Variants in FOCAD observed in about 807,000 individuals in gnomAD.
FOCAD encodes the protein focadhesin.
In FOCAD, 198 loss-of-function variants were observed where a neutral mutation model predicts 225.6. That is an observed-to-expected ratio of 0.88 (90% CI 0.78 to 0.99). FOCAD has a LOEUF of 0.99. Ranked by LOEUF, FOCAD falls within the 50% of genes least tolerant of loss-of-function variation. FOCAD has a pLI of 0.00. For missense variants in FOCAD, 2,713 were observed against 2,123.6 expected, an observed-to-expected ratio of 1.28 and a Z score of -5.46; for synonymous variants, 897 against 755.0, an observed-to-expected ratio of 1.19 and a Z score of -3.08.
intron 11 of FOCAD, among the ~76,000 whole-genome samples, chr9:20,796,031 T>C (rs1821059575): frequency 6.6e-6 from 1 of 151,584 alleles, no homozygotes; most frequent in African/African-American, 2.4e-5. Flanking sequence ...GTTCTCATTG[T>C]TCAATTCCCA....
At chr9:20,853,653 T>G (rs965809891) in intron 15 of FOCAD, among the ~76,000 whole-genome samples, 3 of 151,746 alleles carry the variant, frequency 2.0e-5, no homozygotes, top group Admixed American at 6.6e-5. Flanking sequence ...GTTGTTCAAC[T>G]ATGTTAGAAA....
chr9:20,735,405 G>A (rs1429958104), intron 4 of FOCAD, among the ~76,000 whole-genome samples: 1 of 152,022 alleles, frequency 6.6e-6, no homozygotes, highest in African/African-American at 2.4e-5. Context: ...TGTATGTTCT[G>A]ATATTCATGC....
intron 35 of FOCAD, 99 bp from the exon 36 acceptor site, chr9:20,976,321 G>C (rs2132585569): frequency 1.7e-6 from 2 of 1,145,132 alleles, no homozygotes; most frequent in East Asian, 4.8e-5. Flanking sequence ...TGTGATATCA[G>C]ATCCTTTGAT....
intron 22 of FOCAD, among the ~76,000 whole-genome samples, chr9:20,910,902 A>G (rs1210723022): frequency 6.6e-6 from 1 of 152,124 alleles, no homozygotes; most frequent in African/African-American, 2.4e-5. Context: ...CTTAGTCACA[A>G]TAGAATGGTC....
At chr9:20,835,384 T>C (rs1398243111) in intron 15 of FOCAD, among the ~76,000 whole-genome samples, 1 of 152,138 alleles carries the variant, frequency 6.6e-6, no homozygotes, top group Non-Finnish European at 1.5e-5. Flanking sequence ...CATTTGACTA[T>C]AATTCTTATG....
chr9:20,724,800 C>T (rs1217497991), intron 4 of FOCAD, among the ~76,000 whole-genome samples: 3 of 151,896 alleles, frequency 2.0e-5, no homozygotes, highest in Admixed American at 1.3e-4. Flanking sequence ...ACAAGACACT[C>T]AAATAGCCTC....
In FOCAD at chr9:20,770,046, A is replaced by T. The variant is rs1818034769; in HGVS notation, c.714A>T (p.Ile238=). 6.2e-7 allele frequency: 1 copy of T among 1,613,866 alleles called. No homozygotes were observed. Among genetic ancestry groups the T allele is most frequent in the Non-Finnish European group, 8.5e-7 (1 of 1,179,892 alleles). The change falls in exon 8 of 44, where the codon ATA becomes ATT. Residue 238 remains isoleucine (I), a synonymous_variant. Transcript: ENST00000338382. ...IVPCLQVKDL[I]QTTEAMMFIE... is the part of the protein sequence containing the mutation. ...TTTTTAAACAGGTAAAAGATTTGATACAGACAACAGAGGCGATGATGTTTA... is the reference window on the plus strand; with the variant it reads ...TTTTTAAACAGGTAAAAGATTTGATTCAGACAACAGAGGCGATGATGTTTA...
intron 5 of FOCAD, among the ~76,000 whole-genome samples, chr9:20,753,368 A>C (rs1351901124): frequency 1.3e-5 from 2 of 151,838 alleles, no homozygotes; most frequent in African/African-American, 4.8e-5. Context: ...TTTTAGCATG[A>C]AGGGTTGTTG....
chr9:20,867,525 G>C (rs1303245232), intron 18 of FOCAD, among the ~76,000 whole-genome samples: 1 of 152,046 alleles, frequency 6.6e-6, no homozygotes, highest in African/African-American at 2.4e-5. Context: ...GTTAGGAAAA[G>C]AGGAAGTCAA....
At chr9:20,880,689 C>G (rs1830596520) in intron 19 of FOCAD, among the ~76,000 whole-genome samples, 1 of 152,134 alleles carries the variant, frequency 6.6e-6, no homozygotes, top group East Asian at 1.9e-4. Flanking sequence ...AATAGACGGT[C>G]CAGTGAGCTC....
In FOCAD at chr9:20,944,758, G is replaced by A; in HGVS notation, c.3539G>A (p.Ser1180Asn). 1 of 1,612,960 alleles carries A rather than the reference G, an allele frequency of 6.2e-7. No individual in the cohort carries two copies. Among genetic ancestry groups the A allele is most frequent in the Non-Finnish European group, 8.5e-7 (1 of 1,179,238 alleles). ...SAHVDDSGSQ[S>N]RTFQEVLAYT... ...CACGTAGATGACAGCGGGAGCCAGAGCAGAACGTTTCAGGAGGTAAGAGAT... is the reference window on the plus strand; with the variant it reads ...CACGTAGATGACAGCGGGAGCCAGAACAGAACGTTTCAGGAGGTAAGAGAT... The change falls in exon 29 of 44, where the codon AGC becomes AAC. Residue 1180 changes from serine (S) to asparagine (N), a missense_variant. Transcript: ENST00000338382.
intron 19 of FOCAD, chr9:20,875,263 G>C (rs1250862603): frequency 6.4e-6 from 1 of 157,162 alleles, no homozygotes; most frequent in Non-Finnish European, 1.4e-5. Context: ...ATTTATTTCA[G>C]AGCTATAAAT....
At chr9:20,760,476 ATGACT>A (rs1312825446) in intron 6 of FOCAD, among the ~76,000 whole-genome samples, 1 of 152,230 alleles carries the variant, frequency 6.6e-6, no homozygotes, top group Non-Finnish European at 1.5e-5. Context: ...TAGCAGTACA[ATGACT>A]TGCCTTGTGT....
chr9:20,961,096 C>A (rs749960195), intron 35 of FOCAD, among the ~76,000 whole-genome samples: 1 of 151,894 alleles, frequency 6.6e-6, no homozygotes, highest in Non-Finnish European at 1.5e-5. Flanking sequence ...ATCTACCCAT[C>A]TATGTTTTTT....
chr9:20,705,198 A>G (rs1240953989), intron 1 of FOCAD, among the ~76,000 whole-genome samples: 2 of 152,180 alleles, frequency 1.3e-5, no homozygotes, highest in Admixed American at 6.6e-5. Flanking sequence ...AAGACCTTTT[A>G]TTATGGAGAA....
intron 11 of FOCAD, among the ~76,000 whole-genome samples, chr9:20,799,114 C>T (rs181731552): frequency 2.6e-5 from 4 of 152,292 alleles, no homozygotes; most frequent in African/African-American, 9.6e-5. Flanking sequence ...ACCCAGTAGT[C>T]CTTTAGGAGC....
intron 22 of FOCAD, among the ~76,000 whole-genome samples, chr9:20,909,253 A>T (rs1252846021): frequency 6.6e-6 from 1 of 152,094 alleles, no homozygotes. Context: ...TTTGAAGTAG[A>T]TGTTATTAAC....
intron 2 of FOCAD, among the ~76,000 whole-genome samples, chr9:20,662,444 C>CTGGG (rs1446656691): frequency 6.6e-6 from 1 of 152,102 alleles, no homozygotes; most frequent in African/African-American, 2.4e-5. Context: ...GGAATAAAGA[C>CTGGG]TGGGACATTT....
intron 4 of FOCAD, among the ~76,000 whole-genome samples, chr9:20,731,363 G>T (rs770982194): frequency 1.4e-4 from 22 of 152,112 alleles, no homozygotes; most frequent in Admixed American, 7.2e-4. Flanking sequence ...AGTATTTACA[G>T]TTATCCTATT....
Sources: allele counts gnomAD v4.1 joint callset (sites outside exome capture counted in the v4.1 genomes callset), GRCh38; gene constraint gnomAD v4.1.1; transcripts MANE v1.5; gene names NCBI Gene and HGNC (gene_info 2026-07-23, HGNC 2026-07-21).